The following PRKCZ variants were observed in gnomAD, a reference collection of about 807,000 sequenced individuals.
The protein encoded by PRKCZ is protein kinase C zeta type.
In PRKCZ, 33 loss-of-function variants were observed where a neutral mutation model predicts 79.5. The observed-to-expected ratio is 0.41, with a 90% CI of 0.31 to 0.55. PRKCZ has a LOEUF of 0.55. PRKCZ is among the 20% of genes least tolerant of loss of function. PRKCZ has a pLI of 0.19. For missense variants in PRKCZ, 578 were observed against 813.5 expected (o/e 0.71, Z 3.52); for synonymous variants, 342 against 320.9 (o/e 1.07, Z -0.70).
At chr1:2,074,187 G>A in intron 4 of PRKCZ, 1 of 1,550,168 alleles carries the variant, frequency 6.5e-7, no homozygotes, top group East Asian at 2.4e-5. Context: ...TTTTGCGGGT[G>A]ACAGATTTTT....
chr1:2,109,858 C>G (rs998908652), intron 4 of PRKCZ, among the ~76,000 whole-genome samples: 1 of 152,148 alleles, frequency 6.6e-6, no homozygotes, highest in African/African-American at 2.4e-5. Context: ...ATCCTGGAGC[C>G]GGGCGAGAGA....
chr1:2,103,757 G>A (rs1421652086), intron 4 of PRKCZ, among the ~76,000 whole-genome samples: 5 of 152,222 alleles, frequency 3.3e-5, no homozygotes, highest in Non-Finnish European at 5.9e-5. Context: ...AACAGGGATA[G>A]CAAAGTAGAT....
chr1:2,081,642 G>A lies in PRKCZ; in HGVS notation c.334+22051G>A, dbSNP rs529605340. Among the ~76,000 whole-genome samples, 9 of 152,310 alleles carry A rather than the reference G, an allele frequency of 5.9e-5. No individual in the cohort carries two copies. The East Asian group carries it at 1.7e-3, about 29-fold the overall frequency. On this transcript the variant is annotated intron_variant, in intron 4 of 17. Transcript: ENST00000378567. ...TCACCACACTGTGCCCGGACTTGGT[G>A]GCGTGGTGATGTCGGGGCTGCGGTT...
chr1:2,051,047 C>G, intron 1 of PRKCZ: 1 of 224,584 alleles, frequency 4.5e-6, no homozygotes, highest in Non-Finnish European at 8.7e-6. Flanking sequence ...GTTGTGAAAA[C>G]TCCTGGCGGG....
intron 4 of PRKCZ, among the ~76,000 whole-genome samples, chr1:2,080,310 T>G (rs1663239724): frequency 8.4e-6 from 1 of 118,706 alleles, no homozygotes; most frequent in Non-Finnish European, 1.5e-5. Context: ...TTGGAGAAGG[T>G]CTTTAGGTAG....
rs569317302 is a variant in PRKCZ, at chr1:2,090,402, C to G, written c.334+30811C>G. Among the ~76,000 whole-genome samples the G allele has an allele frequency of 2.6e-5, 4 of 152,146 alleles. No individual in the cohort carries two copies. The East Asian group carries it at 5.8e-4, about 22-fold the overall frequency. ...CACCTGTTCAGAGGGCCCTGCTGAC[C>G]GAGGGGCGTGGGCTCAGCACTGCCA... On this transcript the variant is annotated intron_variant, in intron 4 of 17. Coordinates refer to ENST00000378567, the MANE Select transcript of PRKCZ (RefSeq NM_002744.6).
At chr1:2,107,745 G>A (rs966639374) in intron 4 of PRKCZ, among the ~76,000 whole-genome samples, 2 of 152,182 alleles carry the variant, frequency 1.3e-5, no homozygotes, top group Admixed American at 6.5e-5. Context: ...CCGGCCCTTC[G>A]GCAGTGTCGA....
At chr1:2,066,587 C>A (rs1571137617) in intron 4 of PRKCZ, among the ~76,000 whole-genome samples, 1 of 152,204 alleles carries the variant, frequency 6.6e-6, no homozygotes. Flanking sequence ...GATGATCCAC[C>A]CACCTTGGCT....
At chr1:2,062,170 C>T (rs569574814) in intron 4 of PRKCZ, among the ~76,000 whole-genome samples, 1 of 152,308 alleles carries the variant, frequency 6.6e-6, no homozygotes, top group Non-Finnish European at 1.5e-5. Flanking sequence ...TAAAAAAATT[C>T]TAAAGTATAC....
intron 1 of PRKCZ, 121 bp from the exon 2 acceptor site, chr1:2,055,320 C>T: frequency 8.0e-7 from 1 of 1,253,412 alleles, no homozygotes; most frequent in African/African-American, 1.5e-5. Flanking sequence ...GTGGGGCTGT[C>T]ATATTGTCTT....
intron 4 of PRKCZ, among the ~76,000 whole-genome samples, chr1:2,091,078 C>T (rs770121407): frequency 1.3e-5 from 2 of 152,226 alleles, no homozygotes; most frequent in Non-Finnish European, 1.5e-5. Context: ...GTTGCCCAGG[C>T]TGGACTGCAG....
At chr1:2,171,075 A>G (rs1163646051) in intron 11 of PRKCZ, among the ~76,000 whole-genome samples, 3 of 152,120 alleles carry the variant, frequency 2.0e-5, no homozygotes, top group Non-Finnish European at 4.4e-5. Flanking sequence ...TCACGCCTGT[A>G]ATCCCAGCAC....
At chr1:2,164,683 C>T (rs1349017149) in intron 10 of PRKCZ, among the ~76,000 whole-genome samples, 2 of 152,228 alleles carry the variant, frequency 1.3e-5, no homozygotes, top group African/African-American at 4.8e-5. Context: ...CTTTCTTGTG[C>T]AAGCTTCATT....
chr1:2,174,517 A>G lies in PRKCZ; in HGVS notation c.1406-237A>G, dbSNP rs375274271. Reference sequence around the variant, plus strand: ...TGTACCTGCGATCTTGGGGCTGAGGAAGGGGAGCTGCTGGTTCACGTCCGA... The same window carrying G: ...TGTACCTGCGATCTTGGGGCTGAGGGAGGGGAGCTGCTGGTTCACGTCCGA... On this transcript the variant is annotated intron_variant, in intron 14 of 17. Transcript: ENST00000378567. This position sits in a 1 kb window ranked among gnomAD's most constrained non-coding sequence, Gnocchi z 6.2. 7.2e-5 allele frequency among the ~76,000 whole-genome samples: 11 copies of G among 152,336 alleles called. No individual in the cohort carries two copies. The East Asian group carries it at 2.1e-3, about 29-fold the overall frequency.
chr1:2,151,546 C>T (rs1442375269), intron 9 of PRKCZ, among the ~76,000 whole-genome samples: 1 of 152,258 alleles, frequency 6.6e-6, no homozygotes, highest in African/African-American at 2.4e-5. Context: ...CTCCGTCCTG[C>T]ACAAGGCCCC....
intron 4 of PRKCZ, among the ~76,000 whole-genome samples, chr1:2,079,787 G>A (rs377110412): frequency 7.2e-5 from 11 of 152,152 alleles, no homozygotes; most frequent in African/African-American, 1.7e-4. Context: ...TGGCCTTTGC[G>A]GCTTCCTGGG....
In PRKCZ at chr1:2,178,682, C is replaced by T. The variant is rs1227794729; in HGVS notation, c.1575+3369C>T. Among the ~76,000 whole-genome samples, 2 of 152,238 alleles carry T rather than the reference C, an allele frequency of 1.3e-5. No homozygotes were observed. The highest frequency in any genetic ancestry group is 2.9e-5 in the Non-Finnish European group (2 of 68,044). On this transcript the variant is annotated intron_variant, in intron 16 of 17. Transcript: ENST00000378567. The surrounding 1 kb of genome is among the most constrained non-coding windows in gnomAD (Gnocchi z 4.3). The stretch of plus-strand genomic sequence containing the variant: ...GCTTTCTGGTCCCTTTGGGGGCCCC[C>T]TCAGTCTGTGCTGGACTTAGTTCCA...
chr1:2,109,300 C>A (rs1669233998), intron 4 of PRKCZ, among the ~76,000 whole-genome samples: 1 of 152,162 alleles, frequency 6.6e-6, no homozygotes, highest in African/African-American at 2.4e-5. Flanking sequence ...CAGAGGGCAC[C>A]CAGATGGAGG....
In PRKCZ at chr1:2,128,789, C is replaced by A. The variant is rs1299454734; in HGVS notation, c.335-6473C>A. ...CAGGAGACCCCAGGCTGTGTCCACA[C>A]GTACCCCCGGAAGGACCTCCTGCTA... On this transcript the variant is annotated intron_variant, in intron 4 of 17. Coordinates refer to ENST00000378567, the MANE Select transcript of PRKCZ (RefSeq NM_002744.6). This position sits in a 1 kb window ranked among gnomAD's most constrained non-coding sequence, Gnocchi z 6.5. Among the ~76,000 whole-genome samples the A allele has an allele frequency of 1.3e-5, 2 of 152,184 alleles. No homozygotes were observed. Among genetic ancestry groups the A allele is most frequent in the South Asian group, 2.1e-4 (1 of 4,830 alleles).
Sources: allele counts gnomAD v4.1 joint callset (sites outside exome capture counted in the v4.1 genomes callset), GRCh38; gene constraint gnomAD v4.1.1; non-coding constraint Gnocchi (gnomAD v3.1); transcripts MANE v1.5; gene names NCBI Gene and HGNC (gene_info 2026-07-23, HGNC 2026-07-21).